PEBP4: variants seen among roughly 807,000 people sequenced by gnomAD.
PEBP4 encodes the protein phosphatidylethanolamine binding protein 4.
In PEBP4, 22 loss-of-function variants were observed where a neutral mutation model predicts 23.9. That is an observed-to-expected ratio of 0.92 (90% CI 0.66 to 1.31). The LOEUF (loss-of-function observed/expected upper bound fraction) is 1.31, where lower values mean the gene tolerates loss of function less well. PEBP4 is among the 40% of genes most tolerant of loss of function. PEBP4 has a pLI of 0.00. For synonymous variants in PEBP4, 112 were observed against 99.3 expected (o/e 1.13, Z -0.76); for missense variants, 324 against 281.7 (o/e 1.15, Z -1.07).
At chr8:22,755,387 G>A (rs544376635) in intron 4 of PEBP4, among the ~76,000 whole-genome samples, 12 of 135,112 alleles carry the variant, frequency 8.9e-5, no homozygotes, top group Admixed American at 2.5e-4. Flanking sequence ...CCAGGCTGCC[G>A]CGCAGTGGCG....
chr8:22,873,004 C>A (rs1808038573), intron 3 of PEBP4, among the ~76,000 whole-genome samples: 2 of 152,098 alleles, frequency 1.3e-5, no homozygotes, highest in Admixed American at 1.3e-4. Flanking sequence ...CTTCCAGGGT[C>A]TTTTTACTAG....
chr8:22,837,276 A>T (rs1585299862), intron 3 of PEBP4, among the ~76,000 whole-genome samples: 1 of 152,220 alleles, frequency 6.6e-6, no homozygotes, highest in African/African-American at 2.4e-5. Context: ...CTTGCTTACC[A>T]TCAGAGAAAG....
chr8:22,839,634 C>A (rs117071787), intron 3 of PEBP4, among the ~76,000 whole-genome samples: 2 of 152,320 alleles, frequency 1.3e-5, no homozygotes, highest in Non-Finnish European at 2.9e-5. Flanking sequence ...CTACTGGTGG[C>A]ACAAAACAAA....
intron 3 of PEBP4, among the ~76,000 whole-genome samples, chr8:22,908,248 G>A (rs1171170408): frequency 6.6e-6 from 1 of 152,112 alleles, no homozygotes; most frequent in Non-Finnish European, 1.5e-5. Context: ...CATGGCATTG[G>A]ATGAGACCAC....
intron 6 of PEBP4, among the ~76,000 whole-genome samples, chr8:22,718,759 G>T (rs1174633807): frequency 6.6e-6 from 1 of 152,174 alleles, no homozygotes; most frequent in Admixed American, 6.5e-5. Context: ...GTGTGTTTGT[G>T]TCTGTCTGTG....
At chr8:22,789,895 C>T (rs1806102242) in intron 4 of PEBP4, among the ~76,000 whole-genome samples, 1 of 152,236 alleles carries the variant, frequency 6.6e-6, no homozygotes, top group Non-Finnish European at 1.5e-5. Context: ...GGGCAGATGC[C>T]CTGTAGTCCA....
intron 3 of PEBP4, among the ~76,000 whole-genome samples, chr8:22,822,354 A>AGTGT (rs34500729): frequency 0.14 from 21,397 of 147,746 alleles, 1,664 homozygotes; most frequent in Middle Eastern, 0.22. Flanking sequence ...TATATACTAA[A>AGTGT]GTGTGTGTGT....
intron 4 of PEBP4, among the ~76,000 whole-genome samples, chr8:22,754,074 G>T (rs895502186): frequency 1.3e-5 from 2 of 152,314 alleles, no homozygotes; most frequent in Middle Eastern, 3.4e-3. Flanking sequence ...GGGTTGAAGA[G>T]AAAGTGGAAA....
At chr8:22,784,273 G>A (rs1216368993) in intron 4 of PEBP4, among the ~76,000 whole-genome samples, 1 of 152,228 alleles carries the variant, frequency 6.6e-6, no homozygotes, top group Admixed American at 6.5e-5. Context: ...AGCTATGAAG[G>A]TTTCATGGAA....
At position 22,834,022 on chromosome 8, in the gene PEBP4, T is replaced by C. The variant is rs937707763; in HGVS notation, c.259-16287A>G. ...CTCAGTTCGGTTCATTAGAAGACTA[T>C]GTGTCTTCTTCATAAAGAGGACAAT... On this transcript the variant is annotated intron_variant, in intron 3 of 6. Transcript: ENST00000256404. 9.9e-5 allele frequency among the ~76,000 whole-genome samples: 15 copies of C among 152,190 alleles called. 1 individual carries two copies. The highest frequency in any genetic ancestry group is 9.2e-4 in the Admixed American group (14 of 15,286).
chr8:22,723,366 C>T (rs542845986), intron 6 of PEBP4, among the ~76,000 whole-genome samples: 47 of 152,248 alleles, frequency 3.1e-4, no homozygotes, highest in Non-Finnish European at 6.8e-4. Flanking sequence ...ATGCAGCTCC[C>T]TTCCTCTCCC....
intron 3 of PEBP4, among the ~76,000 whole-genome samples, chr8:22,918,939 ACACATGTG>A (rs1415115190): frequency 6.6e-6 from 1 of 151,632 alleles, no homozygotes; most frequent in Non-Finnish European, 1.5e-5. Flanking sequence ...GCACATGTGC[ACACATGTG>A]CACGTGTGCA....
At chr8:22,772,004 C>T (rs1053741918) in intron 4 of PEBP4, among the ~76,000 whole-genome samples, 2 of 152,234 alleles carry the variant, frequency 1.3e-5, no homozygotes, top group Non-Finnish European at 1.5e-5. Flanking sequence ...TTCAATAAAG[C>T]TGTTTTCTTC....
intron 4 of PEBP4, among the ~76,000 whole-genome samples, chr8:22,795,133 A>ATG (rs201306654): frequency 8.1e-4 from 94 of 115,776 alleles, no homozygotes; most frequent in South Asian, 4.5e-3. Context: ...GTGTATATAT[A>ATG]TGTGTGTGTG....
intron 3 of PEBP4, among the ~76,000 whole-genome samples, chr8:22,851,382 C>T (rs1159923783): frequency 1.3e-5 from 2 of 152,132 alleles, no homozygotes; most frequent in Non-Finnish European, 2.9e-5. Flanking sequence ...AAGGAATATA[C>T]TCCCATCAAG....
rs553150954 is a variant in PEBP4 at position 22,894,315 on chromosome 8, T to A, written c.258+25869A>T. ...CAGCCATGCATAGTGGCTCACTCTA[T>A]AATCCCAGCACTTTGGGAAGCCAAG... On this transcript the variant is annotated intron_variant, in intron 3 of 6. Transcript: ENST00000256404. Among the ~76,000 whole-genome samples the A allele has an allele frequency of 1.0e-3, 159 of 152,302 alleles. 2 individuals are homozygous for A. The highest frequency in any genetic ancestry group is 3.6e-3 in the African/African-American group (150 of 41,554).
At chr8:22,768,988 G>A (rs1162536611) in intron 4 of PEBP4, among the ~76,000 whole-genome samples, 2 of 152,190 alleles carry the variant, frequency 1.3e-5, no homozygotes, top group Admixed American at 1.3e-4. Flanking sequence ...GGGTTTCTGG[G>A]AGCTGAGAGC....
At chr8:22,925,182 G>A (rs927506827) in intron 2 of PEBP4, 35 of 985,286 alleles carry the variant, frequency 3.6e-5, no homozygotes, top group Non-Finnish European at 3.7e-5. Flanking sequence ...TAAAGACAAA[G>A]CTCCTCTTTT....
Position 22,723,115 on chromosome 8 carries a change from G to C in PEBP4, c.517+1728C>G, listed in dbSNP as rs1804552847. Among the ~76,000 whole-genome samples the C allele has an allele frequency of 3.9e-5, 6 of 152,078 alleles. No homozygotes were observed. The South Asian group carries it at 1.2e-3, about 32-fold the overall frequency. ...CATTTTAAACCCTGTACAGATGCAA[G>C]TCCAGTTTCTAAGTTCCCCATGGAC... On this transcript the variant is annotated intron_variant, in intron 6 of 6. Coordinates refer to ENST00000256404, the MANE Select transcript of PEBP4 (RefSeq NM_144962.3).
Sources: allele counts gnomAD v4.1 joint callset (sites outside exome capture counted in the v4.1 genomes callset), GRCh38; gene constraint gnomAD v4.1.1; transcripts MANE v1.5; gene names NCBI Gene and HGNC (gene_info 2026-07-23, HGNC 2026-07-21).